Variants in DNAH9 observed in about 807,000 individuals in gnomAD.
DNAH9 encodes DNAH9 variant protein.
DNAH9 carries 345 observed loss-of-function variants against 471.6 expected under a neutral mutation model. The observed-to-expected ratio is 0.73, with a 90% confidence interval of 0.67 to 0.80. The LOEUF is 0.80. Among genes scored for constraint, DNAH9 ranks in the 30% least tolerant of loss-of-function variants. DNAH9 has a pLI of 0.00. For missense variants in DNAH9, 5,407 were observed against 5,609.2 expected (o/e 0.96, Z 1.15); for synonymous variants, 2,093 against 2,123.6 (o/e 0.99, Z 0.40).
intron 13 of DNAH9, among the ~76,000 whole-genome samples, chr17:11,651,635 TTA>T (rs1186276025): frequency 6.6e-6 from 1 of 152,208 alleles, no homozygotes; most frequent in African/African-American, 2.4e-5. Context: ...TCTTACTATA[TTA>T]TCTTTGTTAT....
chr17:11,772,080 C>T (rs1968229345), intron 38 of DNAH9, among the ~76,000 whole-genome samples: 1 of 152,072 alleles, frequency 6.6e-6, no homozygotes, highest in African/African-American at 2.4e-5. Flanking sequence ...TGCTTCCCTG[C>T]TAAGAAAATA....
chr17:11,768,672 A>C, intron 37 of DNAH9, 46 bp downstream of exon 37: 1 of 1,591,920 alleles, frequency 6.3e-7, no homozygotes, highest in Non-Finnish European at 8.6e-7. Flanking sequence ...GTTGCCCTCA[A>C]GGATCTGCAG....
intron 27 of DNAH9, among the ~76,000 whole-genome samples, chr17:11,725,548 GT>G (rs79466638): frequency 0.1 from 15,740 of 152,122 alleles, 980 homozygotes; most frequent in African/African-American, 0.17. Flanking sequence ...TGAAAGGTGG[GT>G]TTTATTTTTC....
At chr17:11,883,530 T>A (rs1390354750) in intron 55 of DNAH9, 56 bp from the exon 56 acceptor site, 1 of 1,592,332 alleles carries the variant, frequency 6.3e-7, no homozygotes, top group African/African-American at 1.3e-5. Flanking sequence ...GACACATCCT[T>A]AGAGCAGGAT....
intron 67 of DNAH9, 125 bp downstream of exon 67, chr17:11,942,610 G>C: frequency 9.9e-7 from 1 of 1,013,416 alleles, no homozygotes. Context: ...CATCCTAGGT[G>C]CCCAAAAGTC....
At chr17:11,708,002 CACACACACACACAGAG>C (rs1331720471) in intron 26 of DNAH9, among the ~76,000 whole-genome samples, 786 of 49,300 alleles carry the variant, frequency 0.016, 3 homozygotes, top group South Asian at 0.067. Context: ...CACACACACA[CACACACACACACAGAG>C]AGAGAGAGAG....
chr17:11,927,463 T>G (rs911708404), intron 62 of DNAH9, among the ~76,000 whole-genome samples: 8 of 152,226 alleles, frequency 5.3e-5, no homozygotes, highest in African/African-American at 1.7e-4. Flanking sequence ...TAGTTTCATT[T>G]GTTTGCATAT....
At chr17:11,698,203 T>TATTAATA (rs2074517938) in intron 22 of DNAH9, among the ~76,000 whole-genome samples, 1 of 123,142 alleles carries the variant, frequency 8.1e-6, no homozygotes, top group Non-Finnish European at 1.6e-5. Flanking sequence ...TAATAATATA[T>TATTAATA]TAATAATATA....
intron 26 of DNAH9, among the ~76,000 whole-genome samples, chr17:11,709,762 C>G (rs924581181): frequency 3.9e-5 from 6 of 152,174 alleles, no homozygotes; most frequent in Non-Finnish European, 5.9e-5. Flanking sequence ...TTTGGATGAT[C>G]TCCTCCTGCT....
chr17:11,661,085 TTTATAA>T, intron 14 of DNAH9, among the ~76,000 whole-genome samples: 1 of 152,256 alleles, frequency 6.6e-6, no homozygotes, highest in African/African-American at 2.4e-5. Context: ...AAATTTCACA[TTTATAA>T]TTATAAATGT....
intron 67 of DNAH9, among the ~76,000 whole-genome samples, chr17:11,959,030 A>G (rs1041310703): frequency 6.6e-6 from 1 of 152,244 alleles, no homozygotes; most frequent in Admixed American, 6.5e-5. Context: ...TAAAAATCAT[A>G]TGATCATCTT....
intron 61 of DNAH9, among the ~76,000 whole-genome samples, chr17:11,912,200 A>G (rs1435843628): frequency 1.3e-5 from 2 of 152,072 alleles, no homozygotes; most frequent in Non-Finnish European, 2.9e-5. Flanking sequence ...GTATTTTTTT[A>G]GTACGGACAG....
At chr17:11,738,739 G>A (rs1012707002) in intron 28 of DNAH9, 141 bp from the exon 29 acceptor site, 9 of 707,858 alleles carry the variant, frequency 1.3e-5, no homozygotes, top group Non-Finnish European at 1.9e-5. Flanking sequence ...TCTGGGGTGT[G>A]GTCATCATGC....
chr17:11,664,863 A>G lies in DNAH9; in HGVS notation c.2626A>G (p.Thr876Ala). 6.2e-7 allele frequency: 1 copy of G among 1,613,320 alleles called. No homozygotes were observed. The highest frequency in any genetic ancestry group is 8.5e-7 in the Non-Finnish European group (1 of 1,179,396). Residue 876 changes from threonine to alanine, a missense_variant, in exon 15 of 69, where the codon ACC (threonine) becomes GCC (alanine). Thr to Ala is a moderately conservative substitution (Grantham distance 58). Around this residue, in one of 3 missense-constraint regions of DNAH9, gnomAD observed 4,636 missense variants for 4,900.3 expected, o/e 0.95. Coordinates refer to ENST00000262442, the MANE Select transcript of DNAH9 (RefSeq NM_001372.4). The part of the protein sequence containing the change: ...ENLGLFSADP[T>A]SNIWKTYVNS... Reference sequence around the variant, plus strand: ...CCTGGGTCTATTTTCAGCAGACCCAACCTCCAATATCTGGAAGACTTATGT... The same window carrying G: ...CCTGGGTCTATTTTCAGCAGACCCAGCCTCCAATATCTGGAAGACTTATGT...
At chr17:11,955,406 A>T (rs9897699) in intron 67 of DNAH9, among the ~76,000 whole-genome samples, 71,577 of 152,014 alleles carry the variant, frequency 0.47, 17,084 homozygotes, top group Middle Eastern at 0.57. Context: ...CTACAATTAT[A>T]GTAGTTACTG....
At position 11,641,019 on chromosome 17, in the gene DNAH9, A is replaced by G. The variant is rs559123711; in HGVS notation, c.1901+635A>G. Among the ~76,000 whole-genome samples the G allele has an allele frequency of 3.9e-5, 6 of 152,280 alleles. No homozygotes were observed. In the South Asian group the frequency reaches 1.0e-3, roughly 26 times the overall value. ...TTTAAGACGCTGGCTGAGGAAAGGC[A>G]GTCTTTCTCTGATACCTCTTTCTAA... On this transcript the variant is annotated intron_variant, in intron 10 of 68. Transcript: ENST00000262442.
intron 45 of DNAH9, 38 bp from the exon 46 acceptor site, chr17:11,821,882 A>T: frequency 6.3e-7 from 1 of 1,588,702 alleles, no homozygotes; most frequent in Admixed American, 1.8e-5. Context: ...ATTTAACGAG[A>T]TGCCAAGGCT....
chr17:11,604,261 A>G (rs1294916945), intron 1 of DNAH9, among the ~76,000 whole-genome samples: 1 of 151,992 alleles, frequency 6.6e-6, no homozygotes, highest in East Asian at 1.9e-4. Flanking sequence ...TGACCTCGTG[A>G]TCTGCCCACC....
chr17:11,867,055 C>T (rs1352421642), intron 50 of DNAH9, among the ~76,000 whole-genome samples: 1 of 152,230 alleles, frequency 6.6e-6, no homozygotes, highest in Non-Finnish European at 1.5e-5. Flanking sequence ...CTGGCACTTC[C>T]TAGTGAGATG....
Sources: allele counts gnomAD v4.1 joint callset (sites outside exome capture counted in the v4.1 genomes callset), GRCh38; gene constraint gnomAD v4.1.1; regional missense constraint gnomAD v4.1.1; transcripts MANE v1.5; gene names NCBI Gene and HGNC (gene_info 2026-07-23, HGNC 2026-07-21).